The following GRB10 variants were observed in gnomAD, a reference collection of about 807,000 sequenced individuals.
GRB10 encodes the protein growth factor receptor-bound protein 10.
A neutral mutation model predicts 80.9 loss-of-function variants in GRB10; 20 were observed. The ratio of observed to expected loss-of-function variants is 0.25; its 90% confidence interval spans 0.17 to 0.36. GRB10 has a LOEUF of 0.36. Ranked by LOEUF, GRB10 falls within the 10% of genes least tolerant of loss-of-function variation. The pLI is 1.00. For missense variants in GRB10, 548 were observed against 747.7 expected, an observed-to-expected ratio of 0.73 and a Z score of 3.12; for synonymous variants, 291 against 291.5, an observed-to-expected ratio of 1.00 and a Z score of 0.02.
chr7:50,740,871 G>A (rs2071606002), intron 3 of GRB10, among the ~76,000 whole-genome samples: 1 of 150,198 alleles, frequency 6.7e-6, no homozygotes, highest in Admixed American at 6.6e-5. Context: ...CTTTAAAAAG[G>A]GAGCTAGAAA....
intron 2 of GRB10, chr7:50,761,708 T>C (rs2075784986): frequency 6.6e-6 from 1 of 152,230 alleles, no homozygotes; most frequent in Non-Finnish European, 1.5e-5. Flanking sequence ...ATGGTTTGGT[T>C]CTGTGTCCCT....
rs114872352 is a variant in GRB10, at chr7:50,610,045, T to C, written c.1194+2696A>G. Among the ~76,000 whole-genome samples the C allele has an allele frequency of 1.5e-3, 227 of 152,316 alleles. 3 individuals are homozygous for C. Among genetic ancestry groups the C allele is most frequent in the African/African-American group, 5.1e-3 (213 of 41,568 alleles). On this transcript the variant is annotated intron_variant, in intron 13 of 18. Coordinates refer to ENST00000401949, the MANE Select transcript of GRB10 (RefSeq NM_001350814.2). Reference sequence around the variant, plus strand: ...ATGGTTGATATGAAGATGCTGTTTGTAGTAGATGGTAAAAGGGCCCTGTCA... The same window carrying C: ...ATGGTTGATATGAAGATGCTGTTTGCAGTAGATGGTAAAAGGGCCCTGTCA...
At chr7:50,777,608 A>G (rs2077820928) in intron 2 of GRB10, among the ~76,000 whole-genome samples, 2 of 152,078 alleles carry the variant, frequency 1.3e-5, no homozygotes, top group African/African-American at 4.8e-5. Context: ...ATAAAGATAC[A>G]TGCACACCTA....
chr7:50,732,400 C>CCA, intron 3 of GRB10, 32 bp from the exon 4 acceptor site: 1 of 1,291,368 alleles, frequency 7.7e-7, no homozygotes, highest in Non-Finnish European at 1.1e-6. Context: ...AGAAGCCAAG[C>CCA]CAGAAAAAAA....
intron 3 of GRB10, among the ~76,000 whole-genome samples, chr7:50,745,929 T>C (rs1563687816): frequency 6.6e-6 from 1 of 152,244 alleles, no homozygotes; most frequent in Non-Finnish European, 1.5e-5. Context: ...CTGAAGATAG[T>C]GGCATCAGAT....
At chr7:50,616,159 G>T in intron 11 of GRB10, 51 bp downstream of exon 11, 1 of 1,611,044 alleles carries the variant, frequency 6.2e-7, no homozygotes, top group Non-Finnish European at 8.5e-7. Context: ...GGACCTGGGG[G>T]GAGTGACTGT....
chr7:50,784,265 G>C (rs1227330644), upstream of GRB10, among the ~76,000 whole-genome samples: 1 of 152,238 alleles, frequency 6.6e-6, no homozygotes. Flanking sequence ...CCAAAGTGTG[G>C]AGAAATTATG....
rs550120691 is a variant in GRB10, at chr7:50,663,926, A to G, written c.504+5796T>C. On this transcript the variant is annotated intron_variant, in intron 7 of 18. Transcript: ENST00000401949. The stretch of plus-strand genomic sequence containing the variant: ...ACCTGCCTGCCAGGGTGTCTGCTTC[A>G]GCCCACACAGTGCTTACAGACACTG... Among the ~76,000 whole-genome samples the G allele has an allele frequency of 3.3e-5, 5 of 152,264 alleles. No homozygotes were observed. The South Asian group carries it at 8.3e-4, about 25-fold the overall frequency.
intron 7 of GRB10, among the ~76,000 whole-genome samples, chr7:50,631,824 G>A (rs760536388): frequency 2.0e-5 from 3 of 152,208 alleles, no homozygotes; most frequent in Non-Finnish European, 4.4e-5. Flanking sequence ...CCTTTGACAG[G>A]AGGTGGAGCT....
rs767772072 is a variant in GRB10 at position 50,669,742 on chromosome 7, TCGGAGGTAAAGAACC to T, written c.469_483del (p.Gly157_Pro161del). On this transcript the variant is annotated inframe_deletion, in exon 7 of 19. Transcript: ENST00000401949. ...CTCACCTGCTTTGCGGCGGCCTGGC[TCGGAGGTAAAGAACC>T]CGGCGTGAGCACAGGGGGGCTCCCA... 1 of 1,613,460 alleles carries T rather than the reference TCGGAGGTAAAGAACC, an allele frequency of 6.2e-7. No homozygotes were observed. Among genetic ancestry groups the T allele is most frequent in the East Asian group, 2.2e-5 (1 of 44,886 alleles).
chr7:50,721,710 C>A (rs904701129), intron 4 of GRB10, among the ~76,000 whole-genome samples: 7 of 152,194 alleles, frequency 4.6e-5, no homozygotes, highest in Admixed American at 4.6e-4. Context: ...TGGGTAGGGG[C>A]CAAACAGAAG....
At chr7:50,605,489 T>G (rs1585552713) in intron 14 of GRB10, 83 bp from the exon 15 acceptor site, 1 of 1,137,272 alleles carries the variant, frequency 8.8e-7, no homozygotes, top group East Asian at 2.3e-5. Flanking sequence ...ATCAAGACGG[T>G]CAGGAAAGGG....
At chr7:50,677,733 A>G (rs1016272133) in intron 5 of GRB10, among the ~76,000 whole-genome samples, 1 of 152,188 alleles carries the variant, frequency 6.6e-6, no homozygotes, top group Non-Finnish European at 1.5e-5. Context: ...CAATATTTCT[A>G]TCTCAGTGGG....
intron 2 of GRB10, among the ~76,000 whole-genome samples, chr7:50,769,594 T>C (rs1430311054): frequency 6.6e-6 from 1 of 152,160 alleles, no homozygotes; most frequent in Non-Finnish European, 1.5e-5. Flanking sequence ...CTGTACCCCA[T>C]GGTTCAGGGG....
chr7:50,755,830 C>T, intron 3 of GRB10, 57 bp downstream of exon 3: 1 of 398,710 alleles, frequency 2.5e-6, no homozygotes, highest in Non-Finnish European at 4.4e-6. Context: ...CAATACTGAA[C>T]AGGCGACTCT....
At chr7:50,775,176 A>AAAAAAAAAAAC (rs1562689383) in intron 2 of GRB10, among the ~76,000 whole-genome samples, 1 of 148,708 alleles carries the variant, frequency 6.7e-6, no homozygotes, top group African/African-American at 2.5e-5. Context: ...AAAAAAAACA[A>AAAAAAAAAAAC]AAAAAAACAG....
At chr7:50,708,682 T>G (rs2065387555) in intron 4 of GRB10, among the ~76,000 whole-genome samples, 2 of 146,238 alleles carry the variant, frequency 1.4e-5, no homozygotes, top group Admixed American at 6.8e-5. Context: ...TGTTTTTTTT[T>G]TTTTTTTTTT....
chr7:50,595,602 T>TACACAC (rs59746858), intron 17 of GRB10, 72 bp from the exon 18 acceptor site: 42,514 of 557,992 alleles, frequency 0.076, 1,056 homozygotes, highest in Middle Eastern at 0.098. Context: ...CACACTCTCT[T>TACACAC]ACACACACAC....
chr7:50,638,663 C>T (rs1245295135), intron 7 of GRB10, among the ~76,000 whole-genome samples: 1 of 152,058 alleles, frequency 6.6e-6, no homozygotes, highest in Non-Finnish European at 1.5e-5. Context: ...ATTAATACAA[C>T]CTGTATGGAA....
Sources: gnomAD v4.1 joint callset for allele counts (sites outside exome capture counted in the v4.1 genomes callset) on GRCh38, gnomAD v4.1.1 for gene constraint, MANE v1.5 for transcripts, NCBI Gene and HGNC (gene_info 2026-07-23, HGNC 2026-07-21) for gene names.